Variants in NLRP4 observed in about 807,000 individuals in gnomAD.
NLRP4 encodes NACHT, LRR and PYD domains-containing protein 4.
Under a neutral mutation model 84.7 loss-of-function variants are expected in NLRP4, and 44 were observed. The ratio of observed to expected loss-of-function variants is 0.52; its 90% CI spans 0.41 to 0.67. The LOEUF (loss-of-function observed/expected upper bound fraction) is 0.67. Among genes scored for constraint, NLRP4 ranks in the 30% least tolerant of loss-of-function variants. The pLI is 0.00. For missense variants in NLRP4, 1,260 were observed against 1,219.4 expected (o/e 1.03, Z -0.50); for synonymous variants, 544 against 476.4 (o/e 1.14, Z -1.85).
At chr19:55,876,232 A>C (rs1183826852) in intron 7 of NLRP4, among the ~76,000 whole-genome samples, 3 of 152,116 alleles carry the variant, frequency 2.0e-5, no homozygotes, top group African/African-American at 7.2e-5. Context: ...GAGAGGATAG[A>C]CCTCCAACAA....
rs185082420 is a variant in NLRP4, at chr19:55,868,853, T to C, written c.2354+977T>C. 1.5e-4 allele frequency among the ~76,000 whole-genome samples: 23 copies of C among 152,310 alleles called. No individual in the cohort carries two copies. In the East Asian group the frequency reaches 4.0e-3, roughly 27 times the overall value. ...GGAGATTTTTCCCTCTTTATACTTT[T>C]GGGCATTTTGAAATATGAACAACAT... On this transcript the variant is annotated intron_variant, in intron 6 of 9. Transcript: ENST00000301295.
intron 2 of NLRP4, among the ~76,000 whole-genome samples, chr19:55,852,844 C>T (rs11879349): frequency 6.6e-6 from 1 of 152,056 alleles, no homozygotes; most frequent in Non-Finnish European, 1.5e-5. Context: ...GGTAAAATGT[C>T]AGTGGCTATT....
chr19:55,860,738 G>T (rs915394960), intron 3 of NLRP4, among the ~76,000 whole-genome samples: 1 of 152,144 alleles, frequency 6.6e-6, no homozygotes, highest in African/African-American at 2.4e-5. Context: ...TGAAGATGTC[G>T]ACTTAATGGC....
intron 9 of NLRP4, 99 bp downstream of exon 9, chr19:55,879,063 A>T (rs1165946320): frequency 1.1e-6 from 1 of 917,944 alleles, no homozygotes; most frequent in Non-Finnish European, 1.7e-6. Context: ...TAAAATGCAA[A>T]TGATGTTCCT....
rs1355724312 is a variant in NLRP4 at position 55,836,929 on chromosome 19, G to A, written c.-71G>A. The A allele has an allele frequency of 6.6e-6, 1 of 151,416 alleles. No individual in the cohort carries two copies. Among genetic ancestry groups the A allele is most frequent in the Non-Finnish European group, 1.5e-5 (1 of 67,986 alleles). 9.4% of individuals were successfully genotyped at this position (151,416 alleles called of 1,614,324 possible). On this transcript the variant is annotated 5_prime_UTR_variant, in exon 1 of 10. Coordinates refer to ENST00000301295, the MANE Select transcript of NLRP4 (RefSeq NM_134444.5). ...GGAGAAGCTGGAGAACATAGACAGG[G>A]ATGAGGTAAGGGGGGGGACTTCCCA... is the stretch of plus-strand genomic sequence containing the variant.
chr19:55,849,896 G>GAGACT (rs1568658037), intron 1 of NLRP4, among the ~76,000 whole-genome samples: 3 of 15,268 alleles, frequency 2.0e-4, no homozygotes, highest in African/African-American at 4.3e-4. Flanking sequence ...TTCCGTGGCC[G>GAGACT]GCGGTGTAAT....
intron 7 of NLRP4, among the ~76,000 whole-genome samples, chr19:55,871,846 C>CT (rs376627745): frequency 0.013 from 1,866 of 142,106 alleles, 21 homozygotes; most frequent in East Asian, 0.029. Context: ...CAGAAATAAT[C>CT]TTTTTTTTTT....
chr19:55,857,324 AATGTGT>A, intron 2 of NLRP4: 1 of 221,156 alleles, frequency 4.5e-6, no homozygotes, highest in African/African-American at 4.7e-5. Flanking sequence ...AGTAGCAATG[AATGTGT>A]GTGTGTGTGT....
chr19:55,876,640 C>T (rs568878157), intron 7 of NLRP4, among the ~76,000 whole-genome samples: 8 of 152,166 alleles, frequency 5.3e-5, no homozygotes, highest in African/African-American at 9.6e-5. Flanking sequence ...TGGGATTACA[C>T]GCATGAGCCA....
At position 55,857,803 on chromosome 19, in the gene NLRP4, G is replaced by A. The variant is rs770052022; in HGVS notation, c.410G>A (p.Arg137His). The A allele has an allele frequency of 6.8e-6, 11 of 1,613,914 alleles. No individual in the cohort carries two copies. Among genetic ancestry groups the A allele is most frequent in the East Asian group, 2.2e-5 (1 of 44,886 alleles). Reference sequence around the variant, plus strand: ...CAAGAAGAATGTGACCATTTGGACCGCCTTTTTGCTCCCAAGGAAGCTGGG... The same window carrying A: ...CAAGAAGAATGTGACCATTTGGACCACCTTTTTGCTCCCAAGGAAGCTGGG... ...VKQEECDHLD[R>H]LFAPKEAGKQ... The change falls in exon 3 of 10, where the codon CGC becomes CAC. Residue 137 changes from arginine to histidine, a missense_variant. Around this residue, in one of 3 missense-constraint regions of NLRP4, gnomAD observed 712 missense variants for 669.2 expected, o/e 1.06. Coordinates refer to ENST00000301295, the MANE Select transcript of NLRP4 (RefSeq NM_134444.5).
chr19:55,870,599 G>A (rs1028622024), intron 6 of NLRP4, among the ~76,000 whole-genome samples: 49 of 152,202 alleles, frequency 3.2e-4, no homozygotes, highest in Admixed American at 2.6e-3. Flanking sequence ...GGAGGTGGAG[G>A]TTGCAGTGAG....
rs183513604 is a variant in NLRP4 at position 55,857,430 on chromosome 19, C to T, written c.281-244C>T. 10 of 511,630 alleles carry T rather than the reference C, an allele frequency of 2.0e-5. No individual in the cohort carries two copies. The Admixed American group carries it at 3.3e-4, about 17-fold the overall frequency. The allele number at this position is 511,630 out of a possible 1,614,324, so 31.7% of individuals were successfully genotyped here. Reference sequence around the variant, plus strand: ...GGTTTCCATTTTAGGCTTTGTGAGTCATACGGTCTCTCATAGCTGTTCAGC... The same window carrying T: ...GGTTTCCATTTTAGGCTTTGTGAGTTATACGGTCTCTCATAGCTGTTCAGC... On this transcript the variant is annotated intron_variant, in intron 2 of 9. Transcript: ENST00000301295.
At chr19:55,851,512 TGGCTGCGGTGTAATTTACCGA>T (rs1984139231) in intron 1 of NLRP4, among the ~76,000 whole-genome samples, 6 of 518 alleles carry the variant, frequency 0.012, no homozygotes, top group Non-Finnish European at 0.019. Context: ...GTAATGTCCG[TGGCTGCGGTGTAATTTACCGA>T]GGCTGCGGTG....
intron 6 of NLRP4, among the ~76,000 whole-genome samples, chr19:55,868,143 T>C (rs1985034098): frequency 6.6e-6 from 1 of 152,232 alleles, no homozygotes; most frequent in South Asian, 2.1e-4. Flanking sequence ...ACAGAACACG[T>C]ACTGTGTTTC....
rs200642847 is a variant in NLRP4 at position 55,878,985 on chromosome 19, C to T, written c.2867+21C>T. 2.3e-4 allele frequency: 360 copies of T among 1,595,242 alleles called. 1 individual carries two copies. The highest frequency in any genetic ancestry group is 2.0e-3 in the Middle Eastern group (12 of 5,972). ...CTCGGGTGAGCTGGGGTCTGTTGTGCTCTATGGGCAGAGTGCTCCGGGCTA... is the reference window on the plus strand; with the variant it reads ...CTCGGGTGAGCTGGGGTCTGTTGTGTTCTATGGGCAGAGTGCTCCGGGCTA... On this transcript the variant is annotated intron_variant, in intron 9 of 9. Transcript: ENST00000301295.
At position 55,872,094 on chromosome 19, in the gene NLRP4, C is replaced by T. The variant is rs150776818; in HGVS notation, c.2525+1097C>T. Among the ~76,000 whole-genome samples the T allele has an allele frequency of 6.8e-3, 1,033 of 152,110 alleles. 7 individuals carry two copies. The highest frequency in any genetic ancestry group is 0.024 in the East Asian group (124 of 5,172). On this transcript the variant is annotated intron_variant, in intron 7 of 9. Transcript: ENST00000301295. The stretch of plus-strand genomic sequence containing the variant: ...CAATCTCCTGATCTCGTGATCCGCC[C>T]GCCTCGGCCTCCCAAAGTGCTGGGA...
rs372728828 is a variant in NLRP4 at position 55,866,222 on chromosome 19, T to C, written c.2187-1487T>C. Among the ~76,000 whole-genome samples the C allele has an allele frequency of 1.9e-3, 295 of 152,196 alleles. 2 individuals are homozygous for C. The highest frequency in any genetic ancestry group is 7.0e-3 in the African/African-American group (290 of 41,550). ...CTAATTTTTGTATTTTTAGTAGAGA[T>C]GGGGTTTCACCATGCTGGTCAGGAT... On this transcript the variant is annotated intron_variant, in intron 5 of 9. Coordinates refer to ENST00000301295, the MANE Select transcript of NLRP4 (RefSeq NM_134444.5).
intron 5 of NLRP4, 49 bp from the exon 6 acceptor site, chr19:55,867,660 G>T: frequency 6.4e-7 from 1 of 1,553,610 alleles, no homozygotes; most frequent in Non-Finnish European, 8.8e-7. Flanking sequence ...AGAGGAATGA[G>T]TCCAGGAACT....
At chr19:55,854,783 A>G (rs1312442064) in intron 2 of NLRP4, among the ~76,000 whole-genome samples, 8 of 151,956 alleles carry the variant, frequency 5.3e-5, no homozygotes, top group Non-Finnish European at 1.0e-4. Context: ...AAGTAGCATG[A>G]TTTTGGCTCA....
Sources: gnomAD v4.1 joint callset for allele counts (sites outside exome capture counted in the v4.1 genomes callset) on GRCh38, gnomAD v4.1.1 for gene constraint, gnomAD v4.1.1 regional missense constraint, MANE v1.5 for transcripts, NCBI Gene and HGNC (gene_info 2026-07-23, HGNC 2026-07-21) for gene names.